The following ARPC4 variants were observed in gnomAD, a reference collection of about 807,000 sequenced individuals.
The protein encoded by ARPC4 is actin related protein 2/3 complex subunit 4, also known as actin-related protein 2/3 complex subunit 4.
Under a neutral mutation model 22.8 loss-of-function variants are expected in ARPC4, and 3 were observed. The observed-to-expected ratio is 0.13, with a 90% CI of 0.06 to 0.34. The LOEUF is 0.34. Ranked by LOEUF, ARPC4 falls within the 10% of genes least tolerant of loss-of-function variation. ARPC4 has a pLI of 1.00. For missense variants in ARPC4, 98 were observed against 211.0 expected, an observed-to-expected ratio of 0.46 and a Z score of 3.32; for synonymous variants, 80 against 72.5, an observed-to-expected ratio of 1.10 and a Z score of -0.52.
intron 2 of ARPC4, among the ~76,000 whole-genome samples, chr3:9,799,388 A>G (rs2078962315): frequency 6.6e-6 from 1 of 152,118 alleles, no homozygotes; most frequent in Non-Finnish European, 1.5e-5. Flanking sequence ...TTCCAAATCC[A>G]AAATGCTCCA....
At chr3:9,798,657 T>A (rs2078946102) in intron 2 of ARPC4, among the ~76,000 whole-genome samples, 1 of 152,042 alleles carries the variant, frequency 6.6e-6, no homozygotes, top group Non-Finnish European at 1.5e-5. Flanking sequence ...AGACAGATTA[T>A]GAGGTCAAGA....
chr3:9,805,087 T>C (rs1448224161), intron 5 of ARPC4, among the ~76,000 whole-genome samples: 1 of 152,186 alleles, frequency 6.6e-6, no homozygotes, highest in Non-Finnish European at 1.5e-5. Flanking sequence ...CACCAAAATT[T>C]TATGGCCAGG....
At position 9,799,937 on chromosome 3, in the gene ARPC4, A is replaced by G. The variant is rs555509210; in HGVS notation, c.123-248A>G. The G allele has an allele frequency of 3.7e-5, 23 of 616,564 alleles. 1 individual carries two copies. Among genetic ancestry groups the G allele is most frequent in the South Asian group, 3.2e-4 (21 of 66,022 alleles). The allele number at this position is 616,564 out of a possible 1,614,324, so 38.2% of individuals were successfully genotyped here. On this transcript the variant is annotated intron_variant, in intron 2 of 5. Coordinates refer to ENST00000397261, the MANE Select transcript of ARPC4 (RefSeq NM_005718.5). ...TACAGATGAGAAAATTGAGATTCCA[A>G]CAGGGTAACTTGCCCAAGGAAAGTA... is the stretch of plus-strand genomic sequence containing the variant.
chr3:9,796,948 A>AAC (rs2078907656), intron 1 of ARPC4, among the ~76,000 whole-genome samples: 1 of 151,680 alleles, frequency 6.6e-6, no homozygotes, highest in Admixed American at 6.6e-5. Context: ...CTCAAAAAAA[A>AAC]AAAAAAAAAA....
upstream of ARPC4, chr3:9,792,656 G>C: frequency 3.2e-6 from 4 of 1,231,426 alleles, no homozygotes; most frequent in Non-Finnish European, 4.1e-6. Context: ...GAGCTTGGCG[G>C]CCGAGATCTC....
chr3:9,800,322 A>G (rs757120354), intron 3 of ARPC4, 26 bp downstream of exon 3: 33 of 1,609,994 alleles, frequency 2.0e-5, no homozygotes, highest in African/African-American at 2.7e-5. Flanking sequence ...AGGAGGCCCA[A>G]CGTAAGGCCT....
chr3:9,798,059 A>G (rs1372583352), intron 2 of ARPC4: 1 of 302,546 alleles, frequency 3.3e-6, no homozygotes, highest in Non-Finnish European at 6.1e-6. Context: ...ATTGTTGAAA[A>G]CACTGGTAGT....
At position 9,804,192 on chromosome 3, in the gene ARPC4, T is replaced by A. The variant is rs955200060; in HGVS notation, c.501+179T>A. ...TTGGAGCTAGAGGACCCCAAGTTCA[T>A]CTCTGAGAGCTACAAGGCATTTTCT... On this transcript the variant is annotated intron_variant, in intron 5 of 5. Coordinates refer to ENST00000397261, the MANE Select transcript of ARPC4 (RefSeq NM_005718.5). The A allele has an allele frequency of 8.4e-6, 5 of 592,818 alleles. No individual in the cohort carries two copies. In the Admixed American group the frequency reaches 1.6e-4, roughly 19 times the overall value. The allele number at this position is 592,818 out of a possible 1,614,324, so 36.7% of individuals were successfully genotyped here. A position where few individuals can be genotyped will look rare whatever the true frequency, so the allele number is the denominator to read the frequency against.
chr3:9,793,039 T>C (rs1377190343), upstream of ARPC4: 1 of 1,542,700 alleles, frequency 6.5e-7, no homozygotes. Flanking sequence ...GCGGAGACCG[T>C]AGCTGCGCTT....
chr3:9,803,677 C>T, intron 4 of ARPC4, 166 bp from the exon 5 acceptor site: 1 of 825,782 alleles, frequency 1.2e-6, no homozygotes, highest in Non-Finnish European at 2.1e-6. Flanking sequence ...AGACACCCTC[C>T]CCCAGAGCAG....
In ARPC4 at chr3:9,806,530, T is replaced by C. The variant is rs1352976848; in HGVS notation, c.*315T>C. On this transcript the variant is annotated 3_prime_UTR_variant, in exon 6 of 6. Transcript: ENST00000397261. ...AACCTTTTTGTCTTTTTTTTTTTTT[T>C]TTTTTTTAAACCTCCACCTCCAGTG... 3 of 451,028 alleles carry C rather than the reference T, an allele frequency of 6.7e-6. No individual in the cohort carries two copies. Among genetic ancestry groups the C allele is most frequent in the African/African-American group, 2.0e-5 (1 of 49,220 alleles). 27.9% of individuals were successfully genotyped at this position (451,028 alleles called of 1,614,324 possible).
At chr3:9,792,536 G>A (rs1333871207), upstream of ARPC4, 1 of 1,225,746 alleles carries the variant, frequency 8.2e-7, no homozygotes, top group Non-Finnish European at 1.0e-6. Flanking sequence ...CGAGCCTACT[G>A]GAGTTTGCCG....
chr3:9,803,555 T>G (rs779550830), intron 4 of ARPC4: 2 of 566,098 alleles, frequency 3.5e-6, no homozygotes, highest in African/African-American at 1.9e-5. Flanking sequence ...TAACAAGACT[T>G]CAAGTTCCTT....
At chr3:9,796,964 GTCCTTATTC>G (rs1040901383) in intron 1 of ARPC4, among the ~76,000 whole-genome samples, 4 of 137,374 alleles carry the variant, frequency 2.9e-5, no homozygotes, top group African/African-American at 1.1e-4. Context: ...AAAAAAGAAT[GTCCTTATTC>G]TCCTTTTTCT....
intron 2 of ARPC4, chr3:9,799,898 A>G: frequency 1.8e-6 from 1 of 553,022 alleles, no homozygotes; most frequent in South Asian, 1.5e-5. Flanking sequence ...GTGAATTAGG[A>G]ATCAGAGTCA....
upstream of ARPC4, chr3:9,792,880 C>A (rs935889939): frequency 1.4e-5 from 20 of 1,384,634 alleles, no homozygotes; most frequent in Non-Finnish European, 1.8e-5. Flanking sequence ...GAAGCTGCAC[C>A]CATTCCTGGA....
intron 1 of ARPC4, among the ~76,000 whole-genome samples, chr3:9,794,609 G>A (rs1261685739): frequency 2.0e-5 from 3 of 152,076 alleles, no homozygotes; most frequent in Non-Finnish European, 4.4e-5. Context: ...GTTCGAGGCC[G>A]TAGTACACTG....
chr3:9,793,336 T>G (rs1244740859), intron 1 of ARPC4, among the ~76,000 whole-genome samples: 1 of 152,210 alleles, frequency 6.6e-6, no homozygotes, highest in Non-Finnish European at 1.5e-5. Context: ...GTGGGCCTTG[T>G]GGCTTCACGG....
rs1485508351 is a variant in ARPC4, at chr3:9,797,528, C to G, written c.4-131C>G. 4 of 982,284 alleles carry G rather than the reference C, an allele frequency of 4.1e-6. No individual in the cohort carries two copies. In the African/African-American group the frequency reaches 4.9e-5, roughly 12 times the overall value. The allele number at this position is 982,284 out of a possible 1,614,324, so 60.8% of individuals were successfully genotyped here. ...AGGCGTCTCGAAGGCCTAGTCTGTT[C>G]TGTTCACAGTAGTGTCTTAAGAGCC... On this transcript the variant is annotated intron_variant, in intron 1 of 5. Coordinates refer to ENST00000397261, the MANE Select transcript of ARPC4 (RefSeq NM_005718.5).
Sources: gnomAD v4.1 joint callset for allele counts (sites outside exome capture counted in the v4.1 genomes callset) on GRCh38, gnomAD v4.1.1 for gene constraint, MANE v1.5 for transcripts, NCBI Gene and HGNC (gene_info 2026-07-23, HGNC 2026-07-21) for gene names.